Variants in FN1 observed in about 807,000 individuals in gnomAD.
FN1 encodes the protein fibronectin.
In FN1, 106 loss-of-function variants were observed where a neutral mutation model predicts 297.3. That is an observed-to-expected ratio of 0.36 (90% confidence interval 0.30 to 0.42). The LOEUF is 0.42. Ranked by LOEUF, FN1 falls within the 10% of genes least tolerant of loss-of-function variation. The pLI is 1.00. For missense variants in FN1, 2,690 were observed against 3,124.9 expected (o/e 0.86, Z 3.32); for synonymous variants, 1,149 against 1,152.6 (o/e 1.00, Z 0.06).
intron 41 of FN1, among the ~76,000 whole-genome samples, chr2:215,369,615 T>A (rs191876557): frequency 3.9e-5 from 6 of 152,312 alleles, no homozygotes. Context: ...TGGTGAATTT[T>A]CAGCTGCTGC....
intron 13 of FN1, among the ~76,000 whole-genome samples, chr2:215,412,860 TCCATATCCA>T (rs1460166799): frequency 6.7e-6 from 1 of 149,698 alleles, no homozygotes; most frequent in Non-Finnish European, 1.5e-5. Flanking sequence ...TTCTCCACCT[TCCATATCCA>T]CCATTTTTCA....
At chr2:215,368,866 G>A (rs561300914) in intron 41 of FN1, among the ~76,000 whole-genome samples, 7 of 152,186 alleles carry the variant, frequency 4.6e-5, no homozygotes, top group South Asian at 4.1e-4. Flanking sequence ...TGCAAACAAA[G>A]CATGCTTCAA....
In FN1 at chr2:215,393,019, C is replaced by T. The variant is rs758046332; in HGVS notation, c.3981G>A (p.Gly1327=). The T allele has an allele frequency of 6.2e-7, 1 of 1,614,006 alleles. No individual in the cohort carries two copies. The highest frequency in any genetic ancestry group is 1.1e-5 in the South Asian group (1 of 91,080). Residue 1327 remains glycine, a synonymous_variant, in exon 25 of 46, where the codon GGG becomes GGA. Coordinates refer to ENST00000354785, the MANE Select transcript of FN1 (RefSeq NM_212482.4). Reference sequence around the variant, plus strand: ...TATCATAGTCAATGCCCGGCTCCAGCCCTGTGACTGTGTAGTATCCTACTG... The same window carrying T: ...TATCATAGTCAATGCCCGGCTCCAGTCCTGTGACTGTGTAGTATCCTACTG... The part of the protein sequence containing the change: ...DSSVGYYTVT[G]LEPGIDYDIS...
rs115209396 is a variant in FN1, at chr2:215,410,949, A to G, written c.1942-835T>C. 5.4e-4 allele frequency among the ~76,000 whole-genome samples: 83 copies of G among 152,302 alleles called. 1 individual carries two copies. The highest frequency in any genetic ancestry group is 1.9e-3 in the African/African-American group (81 of 41,564). On this transcript the variant is annotated intron_variant, in intron 13 of 45. Coordinates refer to ENST00000354785, the MANE Select transcript of FN1 (RefSeq NM_212482.4). ...AAGTACAGAAATGCCAATGCCATATATTTTATCTTTTAACTCAGTGGGATA... is the reference window on the plus strand; with the variant it reads ...AAGTACAGAAATGCCAATGCCATATGTTTTATCTTTTAACTCAGTGGGATA...
Position 215,409,600 on chromosome 2 carries a change from A to G in FN1, c.2262T>C (p.Tyr754=), listed in dbSNP as rs1236701823. The part of the protein sequence containing the change: ...SDTVSGFRVE[Y]ELSEEGDEPQ... ...GCTCATCTCCCTCCTCACTCAGCTCATATTCCACCCGGAATCCCGACACGG... is the reference window on the plus strand; with the variant it reads ...GCTCATCTCCCTCCTCACTCAGCTCGTATTCCACCCGGAATCCCGACACGG... The change falls in exon 15 of 46, where the codon TAT becomes TAC. Residue 754 remains tyrosine (Y), a synonymous_variant. Transcript: ENST00000354785. 3 of 1,613,960 alleles carry G rather than the reference A, an allele frequency of 1.9e-6. No homozygotes were observed. The highest frequency in any genetic ancestry group is 2.5e-6 in the Non-Finnish European group (3 of 1,180,020).
intron 42 of FN1, among the ~76,000 whole-genome samples, chr2:215,366,044 G>A (rs2054548931): frequency 7.0e-6 from 1 of 142,314 alleles, no homozygotes; most frequent in Non-Finnish European, 1.5e-5. Flanking sequence ...TCTCAAACTC[G>A]TGAGCTCAGG....
intron 38 of FN1, among the ~76,000 whole-genome samples, chr2:215,373,803 C>T (rs557707226): frequency 5.3e-5 from 8 of 151,342 alleles, no homozygotes; most frequent in African/African-American, 1.7e-4. Flanking sequence ...CTCAGCCACC[C>T]GAGTAGCTGG....
chr2:215,361,677 G>T, intron 45 of FN1, 51 bp from the exon 46 acceptor site: 1 of 1,381,538 alleles, frequency 7.2e-7, no homozygotes, highest in Non-Finnish European at 1.0e-6. Flanking sequence ...ACTGTAAAGT[G>T]TACAGAAAAA....
chr2:215,421,234 AG>A, intron 10 of FN1: 2 of 242,302 alleles, frequency 8.3e-6, no homozygotes, highest in South Asian at 5.3e-5. Flanking sequence ...TCTCTGGAAT[AG>A]GGGGAAGGGG....
intron 32 of FN1, 66 bp downstream of exon 32, chr2:215,382,146 T>C (rs2058307092): frequency 2.1e-6 from 2 of 937,726 alleles, no homozygotes; most frequent in East Asian, 2.4e-5. Flanking sequence ...AGACATGTCG[T>C]GGGCATTCAG....
chr2:215,423,525 A>T lies in FN1; in HGVS notation c.1218T>A (p.Val406=). 1 of 1,614,036 alleles carries T rather than the reference A, an allele frequency of 6.2e-7. No homozygotes were observed. The highest frequency in any genetic ancestry group is 8.5e-7 in the Non-Finnish European group (1 of 1,179,922). The change falls in exon 9 of 46, where the codon GTT becomes GTA. Residue 406 remains valine (V), a splice_region_variant and synonymous_variant. Transcript: ENST00000354785. ...AATTTCCTCCTCGAGTCTGAACCAA[A>T]ACTGCCAGGAACAATACACAACAAA... ...QKYSFCTDHT[V]LVQTRGGNSN... is the part of the protein sequence containing the mutation.
Position 215,416,634 on chromosome 2 carries a change from A to G in FN1, c.1820-1676T>C, listed in dbSNP as rs75138309. ...TTTCCTCCATAAAGAGACACCTGAT[A>G]TACACTTTATTTAGTCTTGTCAATC... is the stretch of plus-strand genomic sequence containing the variant. On this transcript the variant is annotated intron_variant, in intron 12 of 45. Transcript: ENST00000354785. Among the ~76,000 whole-genome samples, 34 of 152,306 alleles carry G rather than the reference A, an allele frequency of 2.2e-4. No homozygotes were observed. In the East Asian group the frequency reaches 3.5e-3, roughly 16 times the overall value.
At chr2:215,362,269 T>A in intron 44 of FN1, 190 bp from the exon 45 acceptor site, 1 of 613,436 alleles carries the variant, frequency 1.6e-6, no homozygotes, top group Non-Finnish European at 2.9e-6. Flanking sequence ...TATTACCATA[T>A]CTTATACCTA....
chr2:215,381,867 G>C (rs138073149), intron 32 of FN1: 486 of 356,784 alleles, frequency 1.4e-3, no homozygotes, highest in Non-Finnish European at 2.0e-3. Flanking sequence ...AAAGCTACAT[G>C]AGGCACACTT....
At chr2:215,381,759 C>T (rs897026174) in intron 32 of FN1, 1 of 243,430 alleles carries the variant, frequency 4.1e-6, no homozygotes, top group Non-Finnish European at 8.1e-6. Context: ...GGCGTGAGCC[C>T]AGCCCTATAA....
intron 41 of FN1, among the ~76,000 whole-genome samples, chr2:215,369,050 G>A (rs1006700979): frequency 1.3e-5 from 2 of 152,016 alleles, no homozygotes; most frequent in Non-Finnish European, 2.9e-5. Flanking sequence ...AGTCTGAGAC[G>A]TCTCAAAGCT....
At chr2:215,417,175 G>A (rs1235434701) in intron 12 of FN1, among the ~76,000 whole-genome samples, 4 of 151,846 alleles carry the variant, frequency 2.6e-5, no homozygotes, top group Admixed American at 6.6e-5. Context: ...GTCCTTTTTC[G>A]CTACTGGTAG....
chr2:215,379,987 C>G (rs1014048335), intron 33 of FN1: 2 of 152,584 alleles, frequency 1.3e-5, no homozygotes, highest in Non-Finnish European at 2.9e-5. Context: ...TGAGCCACTG[C>G]ACCCGGCCTC....
intron 40 of FN1, among the ~76,000 whole-genome samples, chr2:215,371,201 G>A (rs990187848): frequency 2.6e-5 from 4 of 151,962 alleles, no homozygotes; most frequent in African/African-American, 9.7e-5. Context: ...CTGGGAGGCA[G>A]AGGTTGCAGT....
Sources: allele counts gnomAD v4.1 joint callset (sites outside exome capture counted in the v4.1 genomes callset), GRCh38; gene constraint gnomAD v4.1.1; transcripts MANE v1.5; gene names NCBI Gene and HGNC (gene_info 2026-07-23, HGNC 2026-07-21).